The following COP1 variants were observed in gnomAD, a reference collection of about 807,000 sequenced individuals.
COP1 encodes the protein E3 ubiquitin-protein ligase COP1.
COP1 carries 24 observed loss-of-function variants against 101.3 expected under a neutral mutation model. The observed-to-expected ratio is 0.24, with a 90% CI of 0.17 to 0.33. The LOEUF (loss-of-function observed/expected upper bound fraction) is 0.33, where lower values mean the gene tolerates loss of function less well. Among genes scored for constraint, COP1 ranks in the 10% least tolerant of loss-of-function variants. The pLI is 1.00. For synonymous variants in COP1, 347 were observed against 341.9 expected (o/e 1.01, Z -0.17); for missense variants, 663 against 906.2 (o/e 0.73, Z 3.45).
chr1:176,133,732 T>C (rs1689335209), intron 8 of COP1: 4 of 370,376 alleles, frequency 1.1e-5, no homozygotes, highest in South Asian at 8.2e-5. Flanking sequence ...CTGGAAACAA[T>C]ATATACAAAA....
intron 14 of COP1, among the ~76,000 whole-genome samples, chr1:176,034,225 C>T (rs1435050055): frequency 2.0e-5 from 3 of 152,138 alleles, no homozygotes; most frequent in Admixed American, 6.5e-5. Context: ...AAGCTAAAGT[C>T]AGCACCTCAA....
chr1:176,042,999 A>G (rs1035010511), intron 14 of COP1, among the ~76,000 whole-genome samples, 187 bp downstream of exon 14: 49 of 152,344 alleles, frequency 3.2e-4, no homozygotes, highest in Admixed American at 5.2e-4. Context: ...ACTGTACTCC[A>G]GCCTGGGTGA....
At chr1:175,978,885 GTA>G (rs1206030591) in intron 18 of COP1, among the ~76,000 whole-genome samples, 1 of 152,120 alleles carries the variant, frequency 6.6e-6, no homozygotes, top group Non-Finnish European at 1.5e-5. Flanking sequence ...TGGAAAGTTA[GTA>G]TATTTTTAGG....
At chr1:176,152,623 T>C (rs1692804050) in intron 5 of COP1, among the ~76,000 whole-genome samples, 1 of 152,086 alleles carries the variant, frequency 6.6e-6, no homozygotes, top group Non-Finnish European at 1.5e-5. Context: ...AATTTTTGTA[T>C]TTTTAGTAGA....
chr1:176,049,045 G>A (rs4650933), intron 11 of COP1, among the ~76,000 whole-genome samples: 14 of 151,526 alleles, frequency 9.2e-5, no homozygotes, highest in African/African-American at 2.7e-4. Flanking sequence ...GGTGGCGGGC[G>A]CCTGTAGTCC....
chr1:176,047,952 G>A (rs979580049), intron 11 of COP1, among the ~76,000 whole-genome samples: 2 of 151,856 alleles, frequency 1.3e-5, no homozygotes, highest in African/African-American at 4.8e-5. Flanking sequence ...ATGGGTTCTT[G>A]TCTCCAGAGA....
At chr1:176,148,429 A>G (rs1027113927) in intron 6 of COP1, among the ~76,000 whole-genome samples, 4 of 152,010 alleles carry the variant, frequency 2.6e-5, no homozygotes, top group African/African-American at 9.7e-5. Context: ...TTATTTTAGC[A>G]TGCTATCCAG....
intron 1 of COP1, among the ~76,000 whole-genome samples, chr1:176,204,741 T>C (rs1274727796): frequency 6.6e-6 from 1 of 152,072 alleles, no homozygotes; most frequent in Non-Finnish European, 1.5e-5. Flanking sequence ...CTGGCCAACA[T>C]GGTGAAACCC....
chr1:176,058,023 C>G lies in COP1; in HGVS notation c.1278-11699G>C, dbSNP rs959167493. 2.6e-3 allele frequency among the ~76,000 whole-genome samples: 384 copies of G among 149,416 alleles called. 2 individuals carry two copies. The highest frequency in any genetic ancestry group is 8.9e-3 in the African/African-American group (367 of 41,154). On this transcript the variant is annotated intron_variant, in intron 11 of 19. Coordinates refer to ENST00000367669, the MANE Select transcript of COP1 (RefSeq NM_022457.7). ...GTGAGGAGCCCCTCCGCCCGGCAGC[C>G]GCCCCGTCTGAGAAGTGAGGAGGCC...
intron 11 of COP1, among the ~76,000 whole-genome samples, chr1:176,069,182 C>T (rs1417286997): frequency 6.6e-6 from 1 of 150,818 alleles, no homozygotes; most frequent in Non-Finnish European, 1.5e-5. Flanking sequence ...GAGACCTCAT[C>T]TCAAGAGAAA....
intron 11 of COP1, among the ~76,000 whole-genome samples, chr1:176,067,985 T>C (rs1195415413): frequency 1.3e-5 from 2 of 152,128 alleles, no homozygotes; most frequent in East Asian, 1.9e-4. Context: ...TCGCACACCC[T>C]GCAAGGGGGA....
intron 15 of COP1, among the ~76,000 whole-genome samples, chr1:176,005,989 CTT>C (rs1383185291): frequency 4.6e-5 from 7 of 152,158 alleles, no homozygotes; most frequent in Non-Finnish European, 4.4e-5. Context: ...GTCTAAGTCT[CTT>C]TGTAGGTCAC....
chr1:175,998,266 A>T (rs1368239695), intron 15 of COP1, among the ~76,000 whole-genome samples: 2 of 148,948 alleles, frequency 1.3e-5, no homozygotes, highest in African/African-American at 2.5e-5. Flanking sequence ...AACAATGAGA[A>T]CACATGGACA....
chr1:176,193,649 A>G (rs1699343162), intron 1 of COP1, among the ~76,000 whole-genome samples: 1 of 152,202 alleles, frequency 6.6e-6, no homozygotes, highest in South Asian at 2.1e-4. Flanking sequence ...GTGCTGATAC[A>G]TGTCACAACA....
intron 6 of COP1, among the ~76,000 whole-genome samples, chr1:176,141,308 T>A (rs61821029): frequency 6.6e-6 from 1 of 151,890 alleles, no homozygotes; most frequent in Non-Finnish European, 1.5e-5. Flanking sequence ...CAAGACCAGT[T>A]TGGCCAATAA....
At chr1:175,976,002 G>A (rs916582422) in intron 18 of COP1, among the ~76,000 whole-genome samples, 1 of 152,028 alleles carries the variant, frequency 6.6e-6, no homozygotes, top group African/African-American at 2.4e-5. Context: ...CTTTCTATTA[G>A]TAAAGGGAAA....
chr1:176,033,316 A>G (rs1668948707), intron 14 of COP1, among the ~76,000 whole-genome samples: 1 of 152,112 alleles, frequency 6.6e-6, no homozygotes, highest in Non-Finnish European at 1.5e-5. Context: ...AACCCCAGCT[A>G]CTTGGGAGGC....
At chr1:176,181,523 A>C (rs1479954514) in intron 2 of COP1, among the ~76,000 whole-genome samples, 2 of 152,076 alleles carry the variant, frequency 1.3e-5, no homozygotes, top group East Asian at 3.8e-4. Context: ...TATTCTACTA[A>C]AACCTGCTCT....
intron 6 of COP1, among the ~76,000 whole-genome samples, chr1:176,147,823 T>C (rs992739894): frequency 6.6e-6 from 1 of 152,222 alleles, no homozygotes; most frequent in African/African-American, 2.4e-5. Context: ...AATTCTCCAT[T>C]ATCTCTCCAG....
Sources: allele counts gnomAD v4.1 joint callset (sites outside exome capture counted in the v4.1 genomes callset), GRCh38; gene constraint gnomAD v4.1.1; transcripts MANE v1.5; gene names NCBI Gene and HGNC (gene_info 2026-07-23, HGNC 2026-07-21).